The following MUC17 variants were observed in gnomAD, a reference collection of about 807,000 sequenced individuals.
MUC17 encodes mucin-17.
A neutral mutation model predicts 170.3 loss-of-function variants in MUC17; 190 were observed. The observed-to-expected ratio is 1.12, with a 90% CI of 0.99 to 1.26. The LOEUF is 1.26. Among genes scored for constraint, MUC17 ranks in the 50% most tolerant of loss-of-function variants. The pLI is 0.00. For synonymous variants in MUC17, 2,325 were observed against 2,002.5 expected, an observed-to-expected ratio of 1.16 and a Z score of -4.30; for missense variants, 6,415 against 5,530.0, an observed-to-expected ratio of 1.16 and a Z score of -5.08.
rs139767638 is a variant in MUC17 at position 101,040,463 on chromosome 7, C to G, written c.9047C>G (p.Thr3016Arg). 2 of 1,611,662 alleles carry G rather than the reference C, an allele frequency of 1.2e-6. No individual in the cohort carries two copies. Among genetic ancestry groups the G allele is most frequent in the Non-Finnish European group, 1.7e-6 (2 of 1,179,032 alleles). Residue 3016 changes from threonine to arginine, a missense_variant, in exon 3 of 13, where the codon ACA (threonine) becomes AGA (arginine). Physicochemically the swap from Thr to Arg is moderately conservative, Grantham distance 71. Transcript: ENST00000306151. ...TLSRTPADTS[T>R]PVTTSTEASS... Reference sequence around the variant, plus strand: ...TCAAGAACTCCTGCTGACACCAGCACACCTGTGACCACTTCTACTGAAGCC... The same window carrying G: ...TCAAGAACTCCTGCTGACACCAGCAGACCTGTGACCACTTCTACTGAAGCC...
intron 3 of MUC17, among the ~76,000 whole-genome samples, chr7:101,046,067 G>A (rs1417046006): frequency 1.3e-5 from 2 of 152,182 alleles, no homozygotes; most frequent in South Asian, 2.1e-4. Flanking sequence ...TAGTGAAAGC[G>A]GGAGAGAGAT....
In MUC17 at chr7:101,040,193, T is replaced by C. The variant is rs746632962; in HGVS notation, c.8777T>C (p.Val2926Ala). The C allele has an allele frequency of 6.3e-7, 1 of 1,590,702 alleles. No individual in the cohort carries two copies. Among genetic ancestry groups the C allele is most frequent in the Non-Finnish European group, 8.5e-7 (1 of 1,170,310 alleles). The change falls in exon 3 of 13, where the codon GTA becomes GCA. Residue 2926 changes from valine to alanine, a missense_variant. Val to Ala is a moderately conservative substitution (Grantham distance 64). Transcript: ENST00000306151. ...TSMPISTPSE[V>A]STPLTSILVS... Reference sequence around the variant, plus strand: ...ATGCCAATCTCAACTCCTAGTGAAGTAAGTACTCCATTAACAAGTATACTT... The same window carrying C: ...ATGCCAATCTCAACTCCTAGTGAAGCAAGTACTCCATTAACAAGTATACTT...
At chr7:101,023,053 C>A (rs1376009968) in intron 1 of MUC17, among the ~76,000 whole-genome samples, 1 of 152,136 alleles carries the variant, frequency 6.6e-6, no homozygotes, top group Non-Finnish European at 1.5e-5. Flanking sequence ...GGGCCATGAT[C>A]CCTCTGAAGT....
At chr7:101,056,158 C>T (rs770170314) in intron 11 of MUC17, 36 bp from the exon 12 acceptor site, 16 of 1,612,964 alleles carry the variant, frequency 9.9e-6, no homozygotes, top group Non-Finnish European at 1.3e-5. Flanking sequence ...TCCTTCTAAC[C>T]TCCTGTTTCC....
intron 1 of MUC17, among the ~76,000 whole-genome samples, chr7:101,020,899 C>T (rs1183973690): frequency 1.3e-5 from 2 of 152,112 alleles, no homozygotes; most frequent in Admixed American, 1.3e-4. Flanking sequence ...ACAGTGGGTT[C>T]CAGCTGGACT....
Position 101,040,788 on chromosome 7 carries a change from C to T in MUC17, c.9372C>T (p.Thr3124=), listed in dbSNP as rs760437174. The change falls in exon 3 of 13, where the codon ACC becomes ACT. Residue 3124 remains threonine, a synonymous_variant. Coordinates refer to ENST00000306151, the MANE Select transcript of MUC17 (RefSeq NM_001040105.2). ...CGGTGACCAGTTCTGCAATCAGCAC[C>T]CTTTCAACAACTCCTGTTGACACCA... The part of the protein sequence containing the change: ...TTPVTSSAIS[T]LSTTPVDTST... 6.2e-6 allele frequency: 10 copies of T among 1,613,078 alleles called. No individual in the cohort carries two copies. Among genetic ancestry groups the T allele is most frequent in the Non-Finnish European group, 6.8e-6 (8 of 1,179,652 alleles).
In MUC17 at chr7:101,051,893, C is replaced by G. The variant is rs758813988; in HGVS notation, c.13034C>G (p.Pro4345Arg). ...QKPYCISPCE[P>R]GFSVSKNCNL... ...CCATACTGCATCAGCCCCTGTGAGC[C>G]TGGCTTCAGTGTCTCCAAGAACTGT... The change falls in exon 9 of 13, where the codon CCT becomes CGT. Residue 4345 changes from proline (P) to arginine (R), a missense_variant. Physicochemically the swap from Pro to Arg is moderately radical, Grantham distance 103. Transcript: ENST00000306151. The G allele has an allele frequency of 6.2e-7, 1 of 1,614,214 alleles. No homozygotes were observed. Among genetic ancestry groups the G allele is most frequent in the African/African-American group, 1.3e-5 (1 of 75,058 alleles).
intron 12 of MUC17, among the ~76,000 whole-genome samples, chr7:101,057,250 T>C (rs6965671): frequency 0.75 from 113,616 of 152,132 alleles, 43,000 homozygotes; most frequent in African/African-American, 0.84. Flanking sequence ...TGATCACTGC[T>C]TTAATATGAT....
chr7:101,048,454 G>A (rs1395638908), intron 4 of MUC17, among the ~76,000 whole-genome samples: 1 of 151,658 alleles, frequency 6.6e-6, no homozygotes, highest in African/African-American at 2.4e-5. Flanking sequence ...AACTTGACTG[G>A]GTGTGGTGGT....
At position 101,038,523 on chromosome 7, in the gene MUC17, G is replaced by A. The variant is rs533930318; in HGVS notation, c.7107G>A (p.Val2369=). ...CTCCTGCTGACACCAGCACACCTGT[G>A]ACTACTTATTCTCAAGCCGGTTCAT... ...STTPADTSTP[V]TTYSQAGSSP... The change falls in exon 3 of 13, where the codon GTG becomes GTA. Residue 2369 remains valine, a synonymous_variant. Transcript: ENST00000306151. The A allele has an allele frequency of 4.8e-5, 77 of 1,612,970 alleles. 4 individuals carry two copies. The South Asian group carries it at 7.5e-4, about 16-fold the overall frequency.
chr7:101,037,701 A>G lies in MUC17; in HGVS notation c.6285A>G (p.Ser2095=). 6.2e-7 allele frequency: 1 copy of G among 1,612,748 alleles called. No individual in the cohort carries two copies. The highest frequency in any genetic ancestry group is 8.5e-7 in the Non-Finnish European group (1 of 1,179,754). ...ATAEGSSMTI[S]APSEGSPLLT... is the part of the protein sequence containing the mutation. ...CTGAAGGTAGCAGCATGACAATCTC[A>G]GCTCCTAGTGAAGGAAGTCCTCTAC... Residue 2095 remains serine (S), a synonymous_variant, in exon 3 of 13, where the codon TCA becomes TCG. Coordinates refer to ENST00000306151, the MANE Select transcript of MUC17 (RefSeq NM_001040105.2).
At chr7:101,030,736 T>A (rs1180157535) in intron 1 of MUC17, among the ~76,000 whole-genome samples, 1 of 151,852 alleles carries the variant, frequency 6.6e-6, no homozygotes. Context: ...CCCCAGCTAA[T>A]TTTTATAAAA....
chr7:101,031,645 G>C lies in MUC17; in HGVS notation c.229G>C (p.Val77Leu), dbSNP rs777479634. The C allele has an allele frequency of 6.4e-7, 1 of 1,561,748 alleles. No individual in the cohort carries two copies. The highest frequency in any genetic ancestry group is 8.7e-7 in the Non-Finnish European group (1 of 1,154,396). ...CACAGGTACAACATCTACAAATGTC[G>C]TGGAGCCAAGAATGTATTTGAGTTG... is the stretch of plus-strand genomic sequence containing the variant. ...TATGTTSTNV[V>L]EPRMYLSCST... The change falls in exon 3 of 13, where the codon GTG (valine) becomes CTG (leucine). Residue 77 changes from valine to leucine, a missense_variant. Physicochemically the swap from Val to Leu is conservative, Grantham distance 32. Coordinates refer to ENST00000306151, the MANE Select transcript of MUC17 (RefSeq NM_001040105.2).
intron 11 of MUC17, among the ~76,000 whole-genome samples, chr7:101,054,208 C>T (rs910301492): frequency 3.3e-5 from 5 of 151,976 alleles, no homozygotes; most frequent in Non-Finnish European, 7.4e-5. Flanking sequence ...TTACTGACTC[C>T]TGTGAGACCC....
rs778067078 is a variant in MUC17 at position 101,042,503 on chromosome 7, TA to T, written c.11089del (p.Thr3697GlnfsTer10). On this transcript the variant is annotated frameshift_variant, in exon 3 of 13. Transcript: ENST00000306151. LOFTEE classifies it high-confidence loss of function. ...ACGCCTAGTGAAGGAAGCACTCCATTAACAACTATGCCTGTCAGCACCACAC... is the reference window on the plus strand; with the variant it reads ...ACGCCTAGTGAAGGAAGCACTCCATTACAACTATGCCTGTCAGCACCACAC... ...IWTPSEGSTP[L>X]TTMPVSTTRV... 9.3e-6 allele frequency: 15 copies of T among 1,613,818 alleles called. No individual in the cohort carries two copies. The highest frequency in any genetic ancestry group is 1.3e-5 in the Non-Finnish European group (15 of 1,179,952).
rs150735476 is a variant in MUC17 at position 101,034,128 on chromosome 7, G to A, written c.2712G>A (p.Ser904=). The change falls in exon 3 of 13, where the codon TCG becomes TCA. Residue 904 remains serine (S), a synonymous_variant. Transcript: ENST00000306151. ...TPVTNSTEAR[S]SPTTSEGTSM... ...TGACCAATTCTACTGAAGCCCGTTC[G>A]TCTCCTACAACTTCTGAAGGTACCA... 0.034 allele frequency: 44,978 copies of A among 1,324,414 alleles called. 2 individuals are homozygous for A. The highest frequency in any genetic ancestry group is 0.17 in the African/African-American group (9,169 of 53,104). 82.0% of individuals were successfully genotyped at this position (1,324,414 alleles called of 1,614,324 possible).
chr7:101,045,905 G>A (rs1794831828), intron 3 of MUC17, among the ~76,000 whole-genome samples: 1 of 152,198 alleles, frequency 6.6e-6, no homozygotes, highest in African/African-American at 2.4e-5. Flanking sequence ...CATCTTTGAA[G>A]CAGATTGTCC....
rs755003918 is a variant in MUC17 at position 101,035,006 on chromosome 7, C to T, written c.3590C>T (p.Ala1197Val). ...ACTCAGGTGGCCACTTCTACTGAAG[C>T]CAGTTCACCTCCTCCAACTGCTGAA... ...SKTQVATSTE[A>V]SSPPPTAEVT... Residue 1197 changes from alanine (A) to valine (V), a missense_variant, in exon 3 of 13, where the codon GCC (alanine) becomes GTC (valine). Transcript: ENST00000306151. 8 of 1,613,896 alleles carry T rather than the reference C, an allele frequency of 5.0e-6. No homozygotes were observed. The highest frequency in any genetic ancestry group is 3.3e-5 in the Admixed American group (2 of 59,970).
Position 101,038,219 on chromosome 7 carries a change from G to A in MUC17, c.6803G>A (p.Ser2268Asn), listed in dbSNP as rs750724813. Reference sequence around the variant, plus strand: ...TCTCCTACAACTGCTGAAGGTACCAGCATACCAACTTCAACTCTTAGTGAA... The same window carrying A: ...TCTCCTACAACTGCTGAAGGTACCAACATACCAACTTCAACTCTTAGTGAA... ...TSSPTTAEGT[S>N]IPTSTLSEGT... The change falls in exon 3 of 13, where the codon AGC (serine) becomes AAC (asparagine). Residue 2268 changes from serine (S) to asparagine (N), a missense_variant. Physicochemically the swap from Ser to Asn is conservative, Grantham distance 46. Transcript: ENST00000306151. 1.2e-6 allele frequency: 2 copies of A among 1,613,890 alleles called. No individual in the cohort carries two copies. Among genetic ancestry groups the A allele is most frequent in the Admixed American group, 3.3e-5 (2 of 59,978 alleles).
Sources: gnomAD v4.1 joint callset for allele counts (sites outside exome capture counted in the v4.1 genomes callset) on GRCh38, gnomAD v4.1.1 for gene constraint, MANE v1.5 for transcripts, NCBI Gene and HGNC (gene_info 2026-07-23, HGNC 2026-07-21) for gene names.